The following CNOT4 variants were observed in gnomAD, a reference collection of about 807,000 sequenced individuals.
CNOT4 encodes the protein CCR4-associated factor 4.
A neutral mutation model predicts 73.8 loss-of-function variants in CNOT4; 8 were observed. The ratio of observed to expected loss-of-function variants is 0.11; its 90% CI spans 0.06 to 0.20. CNOT4 has a LOEUF of 0.20. CNOT4 is among the 10% of genes least tolerant of loss of function. The pLI is 1.00. For synonymous variants in CNOT4, 293 were observed against 321.1 expected (o/e 0.91, Z 0.94); for missense variants, 564 against 883.4 (o/e 0.64, Z 4.58).
At chr7:135,481,701 A>C (rs550125388) in intron 1 of CNOT4, among the ~76,000 whole-genome samples, 1 of 152,364 alleles carries the variant, frequency 6.6e-6, no homozygotes, top group African/African-American at 2.4e-5. Flanking sequence ...TTAAGTGTCC[A>C]TCAGCAGATG....
intron 1 of CNOT4, among the ~76,000 whole-genome samples, chr7:135,477,198 C>G (rs995433426): frequency 2.6e-5 from 4 of 152,076 alleles, no homozygotes; most frequent in African/African-American, 9.7e-5. Flanking sequence ...CAAAAATTAG[C>G]CAGGCATGGT....
intron 1 of CNOT4, among the ~76,000 whole-genome samples, chr7:135,455,952 G>A (rs1048323737): frequency 1.3e-5 from 2 of 152,146 alleles, no homozygotes; most frequent in African/African-American, 4.8e-5. Context: ...ATTGTGGGAT[G>A]GAAACTCACT....
intron 2 of CNOT4, among the ~76,000 whole-genome samples, chr7:135,435,312 G>A (rs566846954): frequency 4.9e-4 from 74 of 152,088 alleles, no homozygotes; most frequent in Non-Finnish European, 8.7e-4. Context: ...ACTCCTCTGA[G>A]ACTGCTCTCA....
At chr7:135,367,401 A>G (rs1563007970) in intron 10 of CNOT4, among the ~76,000 whole-genome samples, 1 of 152,160 alleles carries the variant, frequency 6.6e-6, no homozygotes, top group Non-Finnish European at 1.5e-5. Context: ...AACATTGTAG[A>G]TAGGTTGTAT....
intron 1 of CNOT4, among the ~76,000 whole-genome samples, chr7:135,464,361 G>A (rs1409675136): frequency 1.3e-5 from 2 of 152,136 alleles, no homozygotes; most frequent in East Asian, 1.9e-4. Context: ...CATAAAAAAA[G>A]AACAAGATCA....
At chr7:135,465,478 G>A (rs180824971) in intron 1 of CNOT4, among the ~76,000 whole-genome samples, 20 of 152,288 alleles carry the variant, frequency 1.3e-4, no homozygotes, top group African/African-American at 4.8e-4. Context: ...GATAAACTAT[G>A]CTACTGGTTT....
At position 135,395,326 on chromosome 7, in the gene CNOT4, C is replaced by T. The variant is rs1028719320; in HGVS notation, c.1129+308G>A. 7.3e-5 allele frequency among the ~76,000 whole-genome samples: 11 copies of T among 151,724 alleles called. 1 individual carries two copies. The highest frequency in any genetic ancestry group is 2.1e-4 in the South Asian group (1 of 4,802). ...CACACTACTTGCACTCCAGCCTGGGCGAGAGACCAAGACCCCCACCTCCAA... is the reference window on the plus strand; with the variant it reads ...CACACTACTTGCACTCCAGCCTGGGTGAGAGACCAAGACCCCCACCTCCAA... On this transcript the variant is annotated intron_variant, in intron 9 of 11. Transcript: ENST00000541284.
intron 1 of CNOT4, among the ~76,000 whole-genome samples, chr7:135,485,424 A>G (rs939101152): frequency 1.3e-5 from 2 of 152,162 alleles, no homozygotes; most frequent in African/African-American, 4.8e-5. Context: ...TATGGAAAGG[A>G]AAAGTCCTAG....
intron 1 of CNOT4, among the ~76,000 whole-genome samples, chr7:135,439,889 T>C (rs941496970): frequency 6.6e-6 from 1 of 152,138 alleles, no homozygotes; most frequent in Non-Finnish European, 1.5e-5. Context: ...GATGGGACAC[T>C]GGGCTATCCA....
In CNOT4 at chr7:135,414,388, G is replaced by A. The variant is rs765123193; in HGVS notation, c.504C>T (p.Asp168=). The A allele has an allele frequency of 1.5e-5, 24 of 1,567,172 alleles. No homozygotes were observed. The highest frequency in any genetic ancestry group is 2.7e-5 in the African/African-American group (2 of 73,640). Residue 168 remains aspartate (D), a synonymous_variant, in exon 5 of 12, where the codon GAC becomes GAT. Coordinates refer to ENST00000541284, the MANE Select transcript of CNOT4 (RefSeq NM_001190850.2). ...SAYVTYIRSE[D]ALRAIQCVNN... is the part of the protein sequence containing the mutation. The stretch of plus-strand genomic sequence containing the variant: ...TGACACACTGTATGGCTCTGAGAGC[G>A]TCTTCTGACCGGATATAGGTTACAT...
In CNOT4 at chr7:135,363,743, T is replaced by A; in HGVS notation, c.1840+111A>T. The stretch of plus-strand genomic sequence containing the variant: ...AGAACGAAACAAGCCACTCCACACT[T>A]GCGGCTTTGTGAAAAGCAGCTTATG... On this transcript the variant is annotated intron_variant, in intron 11 of 11. Coordinates refer to ENST00000541284, the MANE Select transcript of CNOT4 (RefSeq NM_001190850.2). The surrounding 1 kb of genome is among the most constrained non-coding windows in gnomAD (Gnocchi z 4.3). The A allele has an allele frequency of 2.3e-6, 2 of 860,446 alleles. No individual in the cohort carries two copies. Among genetic ancestry groups the A allele is most frequent in the South Asian group, 1.7e-5 (1 of 57,180 alleles). The allele number at this position is 860,446 out of a possible 1,614,324, so 53.3% of individuals were successfully genotyped here.
intron 2 of CNOT4, 45 bp downstream of exon 2, chr7:135,438,113 A>T: frequency 9.0e-7 from 1 of 1,113,272 alleles, no homozygotes; most frequent in Non-Finnish European, 1.3e-6. Context: ...GCAAAAAACT[A>T]TACAATTAAA....
chr7:135,506,416 G>A (rs969862803), intron 1 of CNOT4, among the ~76,000 whole-genome samples: 1 of 152,166 alleles, frequency 6.6e-6, no homozygotes, highest in Admixed American at 6.5e-5. Context: ...TATAGTTACT[G>A]TAAGAGAGCT....
At chr7:135,378,669 GGA>G (rs1795661425) in intron 10 of CNOT4, among the ~76,000 whole-genome samples, 1 of 151,720 alleles carries the variant, frequency 6.6e-6, no homozygotes, top group Admixed American at 6.6e-5. Context: ...GTAGACTGAT[GGA>G]GAGAGACTTC....
At chr7:135,372,717 C>T (rs906578322) in intron 10 of CNOT4, among the ~76,000 whole-genome samples, 15 of 152,090 alleles carry the variant, frequency 9.9e-5, no homozygotes, top group Non-Finnish European at 1.3e-4. Context: ...CCATCACACC[C>T]GGCTAATTTT....
intron 10 of CNOT4, among the ~76,000 whole-genome samples, chr7:135,389,382 T>C (rs1796287558): frequency 8.4e-6 from 1 of 119,520 alleles, no homozygotes; most frequent in African/African-American, 3.6e-5. Context: ...AAATATTAAC[T>C]AGTAAATTAA....
intron 10 of CNOT4, chr7:135,387,070 A>G (rs978607630): frequency 1.1e-5 from 11 of 984,560 alleles, no homozygotes; most frequent in African/African-American, 3.5e-5. Context: ...CACAGGAGAC[A>G]TAAGTGAAGT....
At chr7:135,428,248 T>C (rs371757485) in intron 2 of CNOT4, among the ~76,000 whole-genome samples, 57 of 152,222 alleles carry the variant, frequency 3.7e-4, no homozygotes, top group African/African-American at 1.3e-3. Flanking sequence ...AATTGAAGCC[T>C]CTCTAGAGAG....
chr7:135,471,528 C>G (rs1233546764), intron 1 of CNOT4, among the ~76,000 whole-genome samples: 1 of 152,042 alleles, frequency 6.6e-6, no homozygotes, highest in Non-Finnish European at 1.5e-5. Flanking sequence ...TTAAAGAAAT[C>G]TGATAAAATT....
Sources: gnomAD v4.1 joint callset for allele counts (sites outside exome capture counted in the v4.1 genomes callset) on GRCh38, gnomAD v4.1.1 for gene constraint, Gnocchi (gnomAD v3.1) non-coding constraint, MANE v1.5 for transcripts, NCBI Gene and HGNC (gene_info 2026-07-23, HGNC 2026-07-21) for gene names.